The following PTPRT variants were observed in gnomAD, a reference collection of about 807,000 sequenced individuals.
The protein encoded by PTPRT is receptor-type tyrosine-protein phosphatase T.
A neutral mutation model predicts 176.8 loss-of-function variants in PTPRT; 56 were observed. That is an observed-to-expected ratio of 0.32 (90% CI 0.26 to 0.40). The LOEUF is 0.40. PTPRT is among the 10% of genes least tolerant of loss of function. The pLI is 1.00. For missense variants in PTPRT, 1,540 were observed against 1,908.2 expected (o/e 0.81, Z 3.60); for synonymous variants, 783 against 739.0 (o/e 1.06, Z -0.96).
At chr20:42,282,116 G>A (rs1455822428) in intron 13 of PTPRT, among the ~76,000 whole-genome samples, 1 of 151,974 alleles carries the variant, frequency 6.6e-6, no homozygotes, top group Admixed American at 6.6e-5. Context: ...CTCAGTAGAT[G>A]GGTCTAATAG....
chr20:42,408,369 T>C (rs1415559093), intron 9 of PTPRT, among the ~76,000 whole-genome samples: 1 of 152,136 alleles, frequency 6.6e-6, no homozygotes, highest in Admixed American at 6.5e-5. Flanking sequence ...GGAATTTTAA[T>C]TCAGTAAAAC....
chr20:42,260,583 G>A (rs1348169279), intron 13 of PTPRT, among the ~76,000 whole-genome samples: 7 of 152,204 alleles, frequency 4.6e-5, no homozygotes, highest in Non-Finnish European at 1.0e-4. Flanking sequence ...AATTCTTCCT[G>A]TGAAGCTCAG....
chr20:42,385,156 C>G (rs957117402), intron 9 of PTPRT, among the ~76,000 whole-genome samples: 1 of 152,224 alleles, frequency 6.6e-6, no homozygotes, highest in South Asian at 2.1e-4. Context: ...AAAATCATCG[C>G]CCAGACCAAT....
the PTPRT span, among the ~76,000 whole-genome samples, chr20:42,052,292 A>G: frequency 6.6e-6 from 1 of 152,048 alleles, no homozygotes. Flanking sequence ...CAGATGGCAG[A>G]CTCACATGAG....
chr20:42,806,495 A>G (rs1358096083), intron 2 of PTPRT, among the ~76,000 whole-genome samples: 1 of 151,986 alleles, frequency 6.6e-6, no homozygotes, highest in East Asian at 1.9e-4. Flanking sequence ...AAAAAAAAAA[A>G]AAAAAAACCC....
At chr20:43,049,080 C>T (rs999914888) in intron 1 of PTPRT, among the ~76,000 whole-genome samples, 11 of 152,158 alleles carry the variant, frequency 7.2e-5, no homozygotes, top group Non-Finnish European at 1.3e-4. Flanking sequence ...GAGGCTGTTA[C>T]CCTGTTCTCC....
rs1012155503 is a variant in PTPRT, at chr20:42,246,203, C to T, written c.2312+2484G>A. On this transcript the variant is annotated intron_variant, in intron 14 of 30. Transcript: ENST00000373187. Reference sequence around the variant, plus strand: ...GGGACAGAAGAGGTACACAGAATTTCGCTTTCCTTTGGGGCATCTCTAGAC... The same window carrying T: ...GGGACAGAAGAGGTACACAGAATTTTGCTTTCCTTTGGGGCATCTCTAGAC... 5.3e-5 allele frequency among the ~76,000 whole-genome samples: 8 copies of T among 152,060 alleles called. No homozygotes were observed. In the South Asian group the frequency reaches 8.3e-4, roughly 16 times the overall value.
chr20:42,270,368 T>G (rs1230823927), intron 13 of PTPRT: 29 of 785,400 alleles, frequency 3.7e-5, no homozygotes, highest in Non-Finnish European at 5.4e-5. Context: ...AACTCTCCCC[T>G]CCCACCCGCC....
intron 7 of PTPRT, among the ~76,000 whole-genome samples, chr20:42,622,426 G>A (rs2074216368): frequency 6.6e-6 from 1 of 152,066 alleles, no homozygotes. Flanking sequence ...ATTTTTAGTA[G>A]AGACGGGGTT....
intron 9 of PTPRT, among the ~76,000 whole-genome samples, chr20:42,404,972 T>TTTTTTATATATATATATATATATATA (rs960312629): frequency 1.3e-5 from 1 of 77,956 alleles, no homozygotes; most frequent in Non-Finnish European, 2.7e-5. Context: ...GGCCAATTAA[T>TTTTTTATATATATATATATATATATA]TATATATATA....
chr20:42,677,411 C>T (rs2075523688), intron 7 of PTPRT, among the ~76,000 whole-genome samples: 1 of 152,106 alleles, frequency 6.6e-6, no homozygotes, highest in African/African-American at 2.4e-5. Context: ...CAACCAGAGC[C>T]AGGAGCCCTC....
chr20:42,699,116 G>A (rs941530045), intron 6 of PTPRT, among the ~76,000 whole-genome samples: 2 of 152,078 alleles, frequency 1.3e-5, no homozygotes, highest in Non-Finnish European at 2.9e-5. Flanking sequence ...AGTCTCAAGG[G>A]ACCAGTGCAT....
In PTPRT at chr20:43,014,746, A is replaced by C. The variant is rs567941168; in HGVS notation, c.89-128814T>G. 3.3e-5 allele frequency among the ~76,000 whole-genome samples: 5 copies of C among 152,322 alleles called. No homozygotes were observed. In the South Asian group the frequency reaches 1.0e-3, roughly 32 times the overall value. ...CGAGCAGTGTTTGTGCATATTAATGAGCCTAAATTCTAAATCTGGATTTTG... is the reference window on the plus strand; with the variant it reads ...CGAGCAGTGTTTGTGCATATTAATGCGCCTAAATTCTAAATCTGGATTTTG... On this transcript the variant is annotated intron_variant, in intron 1 of 30. Transcript: ENST00000373187.
rs114751530 is a variant in PTPRT at position 42,639,003 on chromosome 20, T to G, written c.1153+38863A>C. ...AGCACATTAATTATAAGGTTTCAGATAGATTTTTGTAACTCAAACATAAAT... is the reference window on the plus strand; with the variant it reads ...AGCACATTAATTATAAGGTTTCAGAGAGATTTTTGTAACTCAAACATAAAT... On this transcript the variant is annotated intron_variant, in intron 7 of 30. Coordinates refer to ENST00000373187, the MANE Select transcript of PTPRT (RefSeq NM_007050.6). Among the ~76,000 whole-genome samples, 658 of 152,242 alleles carry G rather than the reference T, an allele frequency of 4.3e-3. 6 individuals carry two copies. Among genetic ancestry groups the G allele is most frequent in the Middle Eastern group, 0.041 (12 of 294 alleles).
chr20:43,188,154 C>G (rs1481227662), intron 1 of PTPRT, among the ~76,000 whole-genome samples: 1 of 152,256 alleles, frequency 6.6e-6, no homozygotes, highest in South Asian at 2.1e-4. Context: ...CAGGACTGCC[C>G]CGGGCATCCT....
chr20:42,040,131 A>G, the PTPRT span, among the ~76,000 whole-genome samples: 1 of 151,904 alleles, frequency 6.6e-6, no homozygotes, highest in Non-Finnish European at 1.5e-5. Flanking sequence ...GCTAATATCC[A>G]TTCTAACAGG....
chr20:42,726,058 T>TTATTAC (rs1395217320), intron 6 of PTPRT, among the ~76,000 whole-genome samples: 1 of 21,068 alleles, frequency 4.7e-5, no homozygotes, highest in Non-Finnish European at 1.0e-4. Flanking sequence ...GTGGGCATCT[T>TTATTAC]TATTATTATT....
At chr20:42,657,293 T>C (rs2075142185) in intron 7 of PTPRT, among the ~76,000 whole-genome samples, 1 of 152,182 alleles carries the variant, frequency 6.6e-6, no homozygotes, top group South Asian at 2.1e-4. Context: ...TTTATAGTAG[T>C]GTGAGGACGG....
intron 7 of PTPRT, among the ~76,000 whole-genome samples, chr20:42,473,542 C>T (rs1161626363): frequency 6.6e-6 from 1 of 152,144 alleles, no homozygotes; most frequent in African/African-American, 2.4e-5. Context: ...GTGGCACAAT[C>T]AGAGTTCATC....
Sources: allele counts gnomAD v4.1 joint callset (sites outside exome capture counted in the v4.1 genomes callset), GRCh38; gene constraint gnomAD v4.1.1; transcripts MANE v1.5; gene names NCBI Gene and HGNC (gene_info 2026-07-23, HGNC 2026-07-21).